ARNT: variants seen among roughly 807,000 people sequenced by gnomAD.
The protein encoded by ARNT is aryl hydrocarbon receptor nuclear translocator.
In ARNT, 30 loss-of-function variants were observed where a neutral mutation model predicts 105.0. The ratio of observed to expected loss-of-function variants is 0.29; its 90% confidence interval spans 0.21 to 0.39. The LOEUF is 0.39. Among genes scored for constraint, ARNT ranks in the 10% least tolerant of loss-of-function variants. The pLI, the probability that ARNT is intolerant of heterozygous loss-of-function variation, is 1.00. For missense variants in ARNT, 748 were observed against 978.7 expected, an observed-to-expected ratio of 0.76 and a Z score of 3.15; for synonymous variants, 304 against 344.0, an observed-to-expected ratio of 0.88 and a Z score of 1.29.
intron 14 of ARNT, among the ~76,000 whole-genome samples, chr1:150,821,347 G>A (rs964245696): frequency 1.1e-4 from 17 of 152,182 alleles, no homozygotes; most frequent in Admixed American, 2.6e-4. Context: ...CAAGGTTTCA[G>A]TATTGCACTC....
chr1:150,819,648 C>A (rs1311771400), intron 14 of ARNT, among the ~76,000 whole-genome samples: 3 of 152,094 alleles, frequency 2.0e-5, no homozygotes, highest in Non-Finnish European at 2.9e-5. Flanking sequence ...AAACATTATA[C>A]TAAGTAAAAT....
At chr1:150,818,289 G>T in intron 14 of ARNT, 1 of 344,814 alleles carries the variant, frequency 2.9e-6, no homozygotes, top group Non-Finnish European at 5.3e-6. Context: ...CCTGGTTATT[G>T]TGAATGTGTG....
At chr1:150,846,639 A>T (rs1662264878) in intron 3 of ARNT, among the ~76,000 whole-genome samples, 1 of 152,136 alleles carries the variant, frequency 6.6e-6, no homozygotes, top group Admixed American at 6.5e-5. Flanking sequence ...AAACACATAA[A>T]ATTTACTGTA....
At position 150,811,804 on chromosome 1, in the gene ARNT, C is replaced by T. The variant is rs1654783910; in HGVS notation, c.*217G>A. Reference sequence around the variant, plus strand: ...CTTCACCCAGCCTCAAATTTTCAGACAGTCCTAAAAGCCTTGGAGATTCAT... The same window carrying T: ...CTTCACCCAGCCTCAAATTTTCAGATAGTCCTAAAAGCCTTGGAGATTCAT... On this transcript the variant is annotated 3_prime_UTR_variant, in exon 22 of 22. Coordinates refer to ENST00000358595, the MANE Select transcript of ARNT (RefSeq NM_001668.4). 5.6e-6 allele frequency: 2 copies of T among 359,552 alleles called. No homozygotes were observed. Among genetic ancestry groups the T allele is most frequent in the Admixed American group, 4.7e-5 (1 of 21,316 alleles). The allele number at this position is 359,552 out of a possible 1,614,324, so 22.3% of individuals were successfully genotyped here.
rs1319254075 is a variant in ARNT, at chr1:150,811,388, G to A, written c.*633C>T. ...TTGAAAAGTACACAGAAAGACAAAG[G>A]TAAAATCGGGGACAAATTTTGCATA... On this transcript the variant is annotated 3_prime_UTR_variant, in exon 22 of 22. Transcript: ENST00000358595. 5 of 232,706 alleles carry A rather than the reference G, an allele frequency of 2.1e-5. No individual in the cohort carries two copies. Among genetic ancestry groups the A allele is most frequent in the Non-Finnish European group, 3.4e-5 (4 of 117,464 alleles). The allele number at this position is 232,706 out of a possible 1,614,324, so 14.4% of individuals were successfully genotyped here. A position where few individuals can be genotyped will look rare whatever the true frequency, so the allele number is the denominator to read the frequency against.
At chr1:150,840,016 G>A (rs1660998059) in intron 5 of ARNT, among the ~76,000 whole-genome samples, 1 of 152,134 alleles carries the variant, frequency 6.6e-6, no homozygotes, top group Admixed American at 6.5e-5. Flanking sequence ...GGAGGCAGGT[G>A]GATTACTTGA....
intron 1 of ARNT, among the ~76,000 whole-genome samples, chr1:150,874,851 A>G (rs1014495291): frequency 1.3e-5 from 2 of 152,124 alleles, no homozygotes; most frequent in Non-Finnish European, 2.9e-5. Flanking sequence ...ACACATACAC[A>G]CTAACATATG....
At chr1:150,816,996 C>G in intron 17 of ARNT, 86 bp downstream of exon 17, 1 of 1,605,414 alleles carries the variant, frequency 6.2e-7, no homozygotes, top group Non-Finnish European at 8.5e-7. Flanking sequence ...TGGAAAAACA[C>G]TGGAAGATTA....
At chr1:150,876,418 T>A in intron 1 of ARNT, 125 bp downstream of exon 1, 1 of 1,331,996 alleles carries the variant, frequency 7.5e-7, no homozygotes, top group Non-Finnish European at 9.9e-7. Flanking sequence ...CCACCGTCTC[T>A]CGCGGCCCCC....
intron 1 of ARNT, among the ~76,000 whole-genome samples, chr1:150,866,021 T>C (rs1426579335): frequency 6.6e-6 from 1 of 151,964 alleles, no homozygotes; most frequent in African/African-American, 2.4e-5. Context: ...TTCGCTCTTT[T>C]GCCCAGGCTG....
intron 1 of ARNT, among the ~76,000 whole-genome samples, chr1:150,866,731 C>T (rs959989776): frequency 2.0e-5 from 3 of 151,760 alleles, no homozygotes; most frequent in Non-Finnish European, 2.9e-5. Context: ...GGCAAAAGAC[C>T]TGAGAAGAGT....
In ARNT at chr1:150,817,842, G is replaced by A. The variant is rs587748544; in HGVS notation, c.1505+78C>T. 2.1e-4 allele frequency: 223 copies of A among 1,059,440 alleles called. No homozygotes were observed. The African/African-American group carries it at 2.1e-3, about 10-fold the overall frequency. The allele number at this position is 1,059,440 out of a possible 1,614,324, so 65.6% of individuals were successfully genotyped here. ...AAAAAAAAAAAAAAATTAACCAACC[G>A]AACAAAAAATATATGGGATTGCAAA... On this transcript the variant is annotated intron_variant, in intron 15 of 21. Transcript: ENST00000358595.
intron 20 of ARNT, among the ~76,000 whole-genome samples, chr1:150,813,611 C>G (rs1335074730): frequency 6.6e-6 from 1 of 151,528 alleles, no homozygotes; most frequent in Admixed American, 6.6e-5. Flanking sequence ...GTTATATGTG[C>G]TAAAGTATTT....
intron 1 of ARNT, among the ~76,000 whole-genome samples, chr1:150,875,088 A>AT (rs1443462388): frequency 5.3e-5 from 8 of 152,324 alleles, no homozygotes; most frequent in Admixed American, 5.2e-4. Context: ...GTATTTTGCA[A>AT]TGTGTGATCA....
At chr1:150,873,311 A>C (rs933182587) in intron 1 of ARNT, among the ~76,000 whole-genome samples, 3 of 151,664 alleles carry the variant, frequency 2.0e-5, no homozygotes, top group African/African-American at 7.3e-5. Flanking sequence ...CAAACAAAAA[A>C]AAAACAAAAC....
rs1429272334 is a variant in ARNT, at chr1:150,876,526, G to A, written c.25+17C>T. ...GCCCCTCCCCTTTAGAGGCGCCCCA[G>A]TCCTCCGTCTCCTCACCGGGGTTGG... On this transcript the variant is annotated intron_variant, in intron 1 of 21. Coordinates refer to ENST00000358595, the MANE Select transcript of ARNT (RefSeq NM_001668.4). The A allele has an allele frequency of 1.9e-6, 3 of 1,550,896 alleles. No homozygotes were observed. The highest frequency in any genetic ancestry group is 2.4e-5 in the East Asian group (1 of 41,200).
In ARNT at chr1:150,829,927, G is replaced by A. The variant is rs935691644; in HGVS notation, c.1009C>T (p.Leu337=). The part of the protein sequence containing the change: ...PEAGQGSKFC[L]VAIGRLQVTS... ...GCCTGCAATCTGCCAATGGCCACTA[G>A]GCAAAACTTGCTTCCCTGGCCAGCC... The change falls in exon 11 of 22, where the codon CTA becomes TTA. Residue 337 remains leucine (L), a synonymous_variant. Coordinates refer to ENST00000358595, the MANE Select transcript of ARNT (RefSeq NM_001668.4). The A allele has an allele frequency of 4.3e-6, 7 of 1,614,042 alleles. No individual in the cohort carries two copies. In the East Asian group the frequency reaches 6.7e-5, roughly 15 times the overall value.
At chr1:150,818,465 T>C (rs2101632953) in intron 14 of ARNT, 1 of 152,464 alleles carries the variant, frequency 6.6e-6, no homozygotes, top group Non-Finnish European at 1.5e-5. Flanking sequence ...AAAAATAAAA[T>C]ACTGGCCAGG....
intron 1 of ARNT, among the ~76,000 whole-genome samples, chr1:150,859,881 C>G (rs1665296229): frequency 6.6e-6 from 1 of 151,956 alleles, no homozygotes; most frequent in African/African-American, 2.4e-5. Flanking sequence ...GTGGCCCATG[C>G]CTGTAGTCCC....
Sources: gnomAD v4.1 joint callset for allele counts (sites outside exome capture counted in the v4.1 genomes callset) on GRCh38, gnomAD v4.1.1 for gene constraint, MANE v1.5 for transcripts, NCBI Gene and HGNC (gene_info 2026-07-23, HGNC 2026-07-21) for gene names.